ADAMTSL1: variants seen among roughly 807,000 people sequenced by gnomAD.
ADAMTSL1 encodes the protein ADAMTS-like protein 1.
ADAMTSL1 carries 126 observed loss-of-function variants against 201.8 expected under a neutral mutation model. The observed-to-expected ratio is 0.62, with a 90% CI of 0.54 to 0.72. The LOEUF (loss-of-function observed/expected upper bound fraction) is 0.72, where lower values mean the gene tolerates loss of function less well. ADAMTSL1 is among the 30% of genes least tolerant of loss of function. ADAMTSL1 has a pLI of 0.00. For synonymous variants in ADAMTSL1, 1,121 were observed against 903.4 expected, an observed-to-expected ratio of 1.24 and a Z score of -4.32; for missense variants, 2,679 against 2,277.8, an observed-to-expected ratio of 1.18 and a Z score of -3.59.
rs536434447 is a variant in ADAMTSL1, at chr9:18,087,983, C to A, written c.88-75879C>A. On this transcript the variant is annotated intron_variant, in intron 1 of 29. Coordinates refer to the ADAMTSL1 transcript ENST00000680146. ...TATTAAACAATCAGCCCTGGAGGTA[C>A]CACACTTCATGATCTCAAGATATAT... Among the ~76,000 whole-genome samples the A allele has an allele frequency of 9.9e-5, 15 of 152,126 alleles. 1 individual carries two copies. The South Asian group carries it at 3.1e-3, about 32-fold the overall frequency.
At chr9:17,915,697 A>T (rs1017926262) in intron 1 of ADAMTSL1, among the ~76,000 whole-genome samples, 5 of 152,220 alleles carry the variant, frequency 3.3e-5, no homozygotes, top group Non-Finnish European at 7.3e-5. Context: ...GTTCCTCTGC[A>T]TCCTTGCCAA....
chr9:18,044,265 C>T (rs1821563579), intron 1 of ADAMTSL1, among the ~76,000 whole-genome samples: 1 of 151,838 alleles, frequency 6.6e-6, no homozygotes, highest in Non-Finnish European at 1.5e-5. Context: ...TGCAGTGAGA[C>T]ATAGGTAGGG....
chr9:18,590,038 G>A (rs1019029435), intron 4 of ADAMTSL1, among the ~76,000 whole-genome samples: 3 of 152,006 alleles, frequency 2.0e-5, no homozygotes, highest in Non-Finnish European at 2.9e-5. Context: ...TTTTGGTTAT[G>A]TCTTTGTCTG....
intron 19 of ADAMTSL1, among the ~76,000 whole-genome samples, chr9:18,794,207 A>C (rs1822226475): frequency 6.6e-6 from 1 of 152,120 alleles, no homozygotes; most frequent in African/African-American, 2.4e-5. Context: ...CCAGGAGTTC[A>C]AGACCAGCCT....
rs538848266 is a variant in ADAMTSL1 at position 18,894,488 on chromosome 9, A to C, written c.4851+1892A>C. 6.6e-5 allele frequency among the ~76,000 whole-genome samples: 10 copies of C among 152,204 alleles called. No homozygotes were observed. In the South Asian group the frequency reaches 1.9e-3, roughly 28 times the overall value. ...AAGGTATTGAGCAGTACCAATGGAG[A>C]GGAATCCATTTCCTCTTTATAAGCG... On this transcript the variant is annotated intron_variant, in intron 26 of 28. Coordinates refer to ENST00000380548, the MANE Select transcript of ADAMTSL1 (RefSeq NM_001040272.6).
chr9:18,122,580 C>G (rs1825548255), intron 1 of ADAMTSL1, among the ~76,000 whole-genome samples: 1 of 152,032 alleles, frequency 6.6e-6, no homozygotes, highest in Admixed American at 6.6e-5. Context: ...CCTAAGTTTT[C>G]TGTGGTTTTT....
chr9:18,817,763 G>T (rs1823953947), intron 21 of ADAMTSL1, among the ~76,000 whole-genome samples: 1 of 152,230 alleles, frequency 6.6e-6, no homozygotes, highest in Non-Finnish European at 1.5e-5. Context: ...CTGTAGTTTA[G>T]AGGAGAAGTC....
At chr9:18,328,828 A>G (rs1251433865) in intron 2 of ADAMTSL1, among the ~76,000 whole-genome samples, 2 of 152,216 alleles carry the variant, frequency 1.3e-5, no homozygotes, top group Non-Finnish European at 2.9e-5. Context: ...CCTGGAGGAT[A>G]CAGAGTATAC....
intron 19 of ADAMTSL1, among the ~76,000 whole-genome samples, chr9:18,782,565 C>G (rs982814171): frequency 1.3e-4 from 20 of 152,114 alleles, no homozygotes; most frequent in African/African-American, 4.6e-4. Flanking sequence ...CGGCACCAAA[C>G]GTACTAAATA....
chr9:18,542,701 T>A (rs1820222992), intron 3 of ADAMTSL1, among the ~76,000 whole-genome samples: 1 of 152,180 alleles, frequency 6.6e-6, no homozygotes. Context: ...AAATTTCAGT[T>A]GTTTAGCTCA....
chr9:18,237,976 G>T (rs541976648), intron 2 of ADAMTSL1, among the ~76,000 whole-genome samples: 14 of 152,360 alleles, frequency 9.2e-5, no homozygotes, highest in Non-Finnish European at 1.6e-4. Flanking sequence ...GAATGCCATT[G>T]CTCACACTGC....
chr9:18,462,306 C>A (rs1820836847), intron 2 of ADAMTSL1, among the ~76,000 whole-genome samples: 1 of 152,110 alleles, frequency 6.6e-6, no homozygotes, highest in South Asian at 2.1e-4. Flanking sequence ...TGAATTTATT[C>A]CTTCAACGAA....
chr9:18,750,191 C>T (rs984019712), intron 15 of ADAMTSL1, among the ~76,000 whole-genome samples: 1 of 152,124 alleles, frequency 6.6e-6, no homozygotes, highest in Non-Finnish European at 1.5e-5. Context: ...CACACAAATC[C>T]TATGTGTACA....
At position 18,622,389 on chromosome 9, in the gene ADAMTSL1, G is replaced by A; in HGVS notation, c.601+20G>A. On this transcript the variant is annotated intron_variant, in intron 5 of 28. Coordinates refer to ENST00000380548, the MANE Select transcript of ADAMTSL1 (RefSeq NM_001040272.6). The stretch of plus-strand genomic sequence containing the variant: ...CCAAATGTAAGACACACAGAGATGG[G>A]CGACCTTTGGACTTGTTGACTTATC... 1.2e-6 allele frequency: 2 copies of A among 1,613,958 alleles called. No homozygotes were observed. The highest frequency in any genetic ancestry group is 1.7e-6 in the Non-Finnish European group (2 of 1,179,910).
At chr9:18,239,140 C>G (rs1048638703) in intron 2 of ADAMTSL1, among the ~76,000 whole-genome samples, 5 of 152,068 alleles carry the variant, frequency 3.3e-5, no homozygotes, top group African/African-American at 1.2e-4. Flanking sequence ...GAGGGTCTTG[C>G]CTTGATGTTT....
At chr9:18,110,220 T>G (rs1824944646) in intron 1 of ADAMTSL1, among the ~76,000 whole-genome samples, 1 of 152,230 alleles carries the variant, frequency 6.6e-6, no homozygotes, top group East Asian at 1.9e-4. Context: ...TGGTCTCAAA[T>G]GGATCTGAGG....
intron 1 of ADAMTSL1, among the ~76,000 whole-genome samples, chr9:17,926,582 A>G (rs906089256): frequency 2.6e-5 from 4 of 152,206 alleles, no homozygotes; most frequent in Admixed American, 2.6e-4. Context: ...TTTTTACTTC[A>G]TTGTAGAACT....
chr9:18,719,389 C>A (rs768492554), intron 14 of ADAMTSL1, among the ~76,000 whole-genome samples: 5 of 151,604 alleles, frequency 3.3e-5, no homozygotes, highest in African/African-American at 4.9e-5. Flanking sequence ...CTTTTCTCAC[C>A]CAGGCTGGAG....
intron 1 of ADAMTSL1, among the ~76,000 whole-genome samples, chr9:18,072,330 A>T (rs142784311): frequency 3.5e-4 from 54 of 152,300 alleles, no homozygotes; most frequent in African/African-American, 1.2e-3. Flanking sequence ...TAAAACAAAG[A>T]TGGCTGTCCA....
Sources: gnomAD v4.1 joint callset for allele counts (sites outside exome capture counted in the v4.1 genomes callset) on GRCh38, gnomAD v4.1.1 for gene constraint, MANE v1.5 for transcripts, NCBI Gene and HGNC (gene_info 2026-07-23, HGNC 2026-07-21) for gene names.